The following CLEC2L variants were observed in gnomAD, a reference collection of about 807,000 sequenced individuals.
CLEC2L encodes C-type lectin domain family 2, member L.
In CLEC2L, 14 loss-of-function variants were observed where a neutral mutation model predicts 23.6. The ratio of observed to expected loss-of-function variants is 0.59; its 90% CI spans 0.39 to 0.93. The LOEUF is 0.93. Ranked by LOEUF, CLEC2L falls within the 40% of genes least tolerant of loss-of-function variation. The probability of loss-of-function intolerance (pLI) is 0.00; values close to 1 mark genes in which losing one functional copy is unlikely to be tolerated. For synonymous variants in CLEC2L, 114 were observed against 121.3 expected (o/e 0.94, Z 0.40); for missense variants, 264 against 282.4 (o/e 0.93, Z 0.47).
At chr7:139,534,539 A>C in intron 1 of CLEC2L, 2 of 765,558 alleles carry the variant, frequency 2.6e-6, no homozygotes, top group South Asian at 2.7e-5. Flanking sequence ...CGGCAGGCTC[A>C]ACAGGCTGAT....
chr7:139,525,359 C>T (rs914072828), intron 1 of CLEC2L, among the ~76,000 whole-genome samples: 8 of 152,122 alleles, frequency 5.3e-5, no homozygotes, highest in Non-Finnish European at 1.0e-4. Flanking sequence ...TAATGCCAGC[C>T]TTCTGCACAA....
At chr7:139,534,352 G>A in intron 1 of CLEC2L, 1 of 1,077,420 alleles carries the variant, frequency 9.3e-7, no homozygotes, top group Non-Finnish European at 1.4e-6. Context: ...AATGTATGAA[G>A]ACATGTGAAA....
chr7:139,538,371 T>C (rs1237427016), intron 2 of CLEC2L, among the ~76,000 whole-genome samples: 10 of 148,382 alleles, frequency 6.7e-5, no homozygotes, highest in Non-Finnish European at 1.3e-4. Flanking sequence ...AAGCAGAGGT[T>C]GCAATGAGCT....
intron 3 of CLEC2L, among the ~76,000 whole-genome samples, chr7:139,541,142 G>T (rs1797729549): frequency 6.6e-6 from 1 of 151,992 alleles, no homozygotes; most frequent in Admixed American, 6.6e-5. Context: ...CTGAGTCGCT[G>T]GGACTGCAGC....
intron 1 of CLEC2L, among the ~76,000 whole-genome samples, chr7:139,534,810 A>G (rs368785095): frequency 2.8e-4 from 43 of 152,042 alleles, no homozygotes; most frequent in African/African-American, 1.0e-3. Context: ...TTCTTCCTCA[A>G]TTAATGTTGG....
At position 139,542,127 on chromosome 7, in the gene CLEC2L, C is replaced by G. The variant is rs369182305; in HGVS notation, c.533+6C>G. The G allele has an allele frequency of 6.3e-7, 1 of 1,597,654 alleles. No individual in the cohort carries two copies. The highest frequency in any genetic ancestry group is 1.3e-5 in the African/African-American group (1 of 74,574). ...GACCCGTTTGATCCGGACACGTGAG[C>G]TGAGGCTTCATCTTCTGGCTACCGA... On this transcript the variant is annotated splice_donor_region_variant and intron_variant, in intron 4 of 4. Coordinates refer to ENST00000422142, the MANE Select transcript of CLEC2L (RefSeq NM_001080511.4).
At position 139,539,558 on chromosome 7, in the gene CLEC2L, T is replaced by G. The variant is rs1223430899; in HGVS notation, c.266-763T>G. 1 of 152,300 alleles carries G rather than the reference T, an allele frequency of 6.6e-6. No individual in the cohort carries two copies. Among genetic ancestry groups the G allele is most frequent in the Non-Finnish European group, 1.5e-5 (1 of 68,098 alleles). 9.4% of individuals were successfully genotyped at this position (152,300 alleles called of 1,614,324 possible). A position where few individuals can be genotyped will look rare whatever the true frequency, so the allele number is the denominator to read the frequency against. On this transcript the variant is annotated intron_variant, in intron 2 of 4. Transcript: ENST00000422142. The surrounding 1 kb of genome is among the most constrained non-coding windows in gnomAD (Gnocchi z 4.1). The stretch of plus-strand genomic sequence containing the variant: ...CTGGAAGACAGCATGGTGGTCACTG[T>G]TGCTGCTGGTAGAGCCACATCTGAT...
rs540917409 is a variant in CLEC2L at position 139,531,210 on chromosome 7, G to A, written c.191-5064G>A. Among the ~76,000 whole-genome samples, 3 of 152,258 alleles carry A rather than the reference G, an allele frequency of 2.0e-5. No individual in the cohort carries two copies. The South Asian group carries it at 6.2e-4, about 32-fold the overall frequency. On this transcript the variant is annotated intron_variant, in intron 1 of 4. Coordinates refer to ENST00000422142, the MANE Select transcript of CLEC2L (RefSeq NM_001080511.4). ...CATGGAAGCTCAAGACCAAAACAGA[G>A]GTTATACAGGGAGAAATAATCTTTC...
At chr7:139,543,504 A>G (rs937838126) in intron 4 of CLEC2L, among the ~76,000 whole-genome samples, 2 of 152,068 alleles carry the variant, frequency 1.3e-5, no homozygotes, top group African/African-American at 4.8e-5. Flanking sequence ...GTGAGGGTCT[A>G]CCTCCAGCCT....
chr7:139,532,714 C>A (rs1797597587), intron 1 of CLEC2L, among the ~76,000 whole-genome samples: 2 of 152,140 alleles, frequency 1.3e-5, no homozygotes, highest in African/African-American at 4.8e-5. Flanking sequence ...AAGGAACAGA[C>A]ACCAGAACTT....
rs1299780289 is a variant in CLEC2L at position 139,540,299 on chromosome 7, C to G, written c.266-22C>G. The stretch of plus-strand genomic sequence containing the variant: ...CTCGGGCTGGGGGGGCGGGCAGGGC[C>G]GAGCTGGTCTCTTCCCTGCAGCTTC... On this transcript the variant is annotated intron_variant, in intron 2 of 4. Coordinates refer to ENST00000422142, the MANE Select transcript of CLEC2L (RefSeq NM_001080511.4). The surrounding 1 kb of genome is among the most constrained non-coding windows in gnomAD (Gnocchi z 5.8). The G allele has an allele frequency of 6.3e-7, 1 of 1,588,282 alleles. No homozygotes were observed. Among genetic ancestry groups the G allele is most frequent in the Non-Finnish European group, 8.6e-7 (1 of 1,166,868 alleles).
chr7:139,532,191 G>C (rs1240236014), intron 1 of CLEC2L, among the ~76,000 whole-genome samples: 1 of 152,230 alleles, frequency 6.6e-6, no homozygotes, highest in Admixed American at 6.5e-5. Context: ...TTCTGAAGGA[G>C]AATTATTCTT....
intron 2 of CLEC2L, among the ~76,000 whole-genome samples, chr7:139,538,736 G>A (rs753168142): frequency 6.7e-6 from 1 of 149,654 alleles, no homozygotes; most frequent in Admixed American, 6.7e-5. Context: ...GTGACAGAGC[G>A]AGACTCCATC....
chr7:139,526,382 C>T (rs1014081056), intron 1 of CLEC2L, among the ~76,000 whole-genome samples: 2 of 152,064 alleles, frequency 1.3e-5, no homozygotes, highest in South Asian at 2.1e-4. Flanking sequence ...CGGACCCAGA[C>T]GGAAGGAGAG....
Position 139,540,047 on chromosome 7 carries a change from A to G in CLEC2L, c.266-274A>G, listed in dbSNP as rs1056692677. 1 of 423,776 alleles carries G rather than the reference A, an allele frequency of 2.4e-6. No individual in the cohort carries two copies. The highest frequency in any genetic ancestry group is 2.0e-5 in the African/African-American group (1 of 49,820). The allele number at this position is 423,776 out of a possible 1,614,324, so 26.3% of individuals were successfully genotyped here. On this transcript the variant is annotated intron_variant, in intron 2 of 4. Coordinates refer to ENST00000422142, the MANE Select transcript of CLEC2L (RefSeq NM_001080511.4). The surrounding 1 kb of genome is among the most constrained non-coding windows in gnomAD (Gnocchi z 5.8). ...TCCCAGTCTGAGTTTCTGGCGTTCC[A>G]TGCCTCTGGGAGTTTGGAGACAGAG... is the stretch of plus-strand genomic sequence containing the variant.
chr7:139,541,268 C>G (rs1797731413), intron 3 of CLEC2L, among the ~76,000 whole-genome samples: 1 of 151,906 alleles, frequency 6.6e-6, no homozygotes, highest in Admixed American at 6.6e-5. Flanking sequence ...CTAGGCCTCC[C>G]AAAGTGCTGG....
intron 3 of CLEC2L, among the ~76,000 whole-genome samples, chr7:139,541,013 G>T (rs1017223356): frequency 6.6e-6 from 1 of 152,108 alleles, no homozygotes; most frequent in African/African-American, 2.4e-5. Context: ...GCAAGACTTT[G>T]TCTCTCTTTT....
rs1585202415 is a variant in CLEC2L at position 139,540,430 on chromosome 7, G to A, written c.375G>A (p.Arg125=). The change falls in exon 3 of 5, where the codon AGG becomes AGA. Residue 125 remains arginine, a synonymous_variant. Transcript: ENST00000422142. This position sits in a 1 kb window ranked among gnomAD's most constrained non-coding sequence, Gnocchi z 5.8. ...SEEPRDWNTG[R]QYCHTHEAVL... is the part of the protein sequence containing the mutation. The stretch of plus-strand genomic sequence containing the variant: ...AACCCAGAGACTGGAACACAGGCAG[G>A]CAGTACTGCCACACCCACGAGGCGG... The A allele has an allele frequency of 6.2e-7, 1 of 1,605,904 alleles. No individual in the cohort carries two copies.
At chr7:139,535,907 C>A (rs753329377) in intron 1 of CLEC2L, among the ~76,000 whole-genome samples, 13 of 152,240 alleles carry the variant, frequency 8.5e-5, no homozygotes, top group Non-Finnish European at 1.6e-4. Flanking sequence ...GGTAGCCCCC[C>A]GGCAGGGAGG....
Sources: allele counts gnomAD v4.1 joint callset (sites outside exome capture counted in the v4.1 genomes callset), GRCh38; gene constraint gnomAD v4.1.1; non-coding constraint Gnocchi (gnomAD v3.1); transcripts MANE v1.5; gene names NCBI Gene and HGNC (gene_info 2026-07-23, HGNC 2026-07-21).